VTI1B: variants seen among roughly 807,000 people sequenced by gnomAD.
VTI1B encodes the protein vesicle transport through interaction with t-SNAREs homolog 1B.
Under a neutral mutation model 28.6 loss-of-function variants are expected in VTI1B, and 18 were observed. The observed-to-expected ratio is 0.63, with a 90% CI of 0.43 to 0.93. VTI1B has a LOEUF of 0.93. Ranked by LOEUF, VTI1B falls within the 40% of genes least tolerant of loss-of-function variation. The pLI, the probability that VTI1B is intolerant of heterozygous loss-of-function variation, is 0.00. For missense variants in VTI1B, 283 were observed against 297.0 expected (o/e 0.95, Z 0.35); for synonymous variants, 100 against 107.9 (o/e 0.93, Z 0.46).
chr14:67,659,424 GATA>G (rs2037307532), intron 3 of VTI1B, among the ~76,000 whole-genome samples: 1 of 151,450 alleles, frequency 6.6e-6, no homozygotes, highest in South Asian at 2.1e-4. Context: ...TCAGAATCCA[GATA>G]ATAAGAATAG....
At chr14:67,660,823 C>T (rs918818220) in intron 2 of VTI1B, among the ~76,000 whole-genome samples, 3 of 152,178 alleles carry the variant, frequency 2.0e-5, no homozygotes, top group African/African-American at 7.2e-5. Flanking sequence ...TCAAACAAAT[C>T]AGTAGCAGCT....
intron 1 of VTI1B, among the ~76,000 whole-genome samples, chr14:67,669,436 CT>C (rs562106281): frequency 7.6e-4 from 110 of 144,528 alleles, no homozygotes; most frequent in Non-Finnish European, 7.6e-4. Context: ...CACTACTCAG[CT>C]TTTTTTTTTT....
At chr14:67,663,309 C>T (rs1301069864) in intron 1 of VTI1B, 2 of 647,824 alleles carry the variant, frequency 3.1e-6, no homozygotes, top group Non-Finnish European at 2.5e-6. Context: ...AATATGATAG[C>T]AAGTTTCATT....
chr14:67,658,462 T>C (rs1389259782), intron 3 of VTI1B, among the ~76,000 whole-genome samples: 1 of 151,546 alleles, frequency 6.6e-6, no homozygotes, highest in Non-Finnish European at 1.5e-5. Context: ...CCGGGCGTGG[T>C]GGTGGGCGCC....
intron 1 of VTI1B, among the ~76,000 whole-genome samples, chr14:67,672,123 AT>A (rs5809360): frequency 0.43 from 61,514 of 143,316 alleles, 15,145 homozygotes; most frequent in Non-Finnish European, 0.59. Context: ...TGCAGTCTAC[AT>A]TTTTTTTTTT....
chr14:67,658,381 T>A (rs958197481), intron 3 of VTI1B, among the ~76,000 whole-genome samples: 14 of 151,798 alleles, frequency 9.2e-5, no homozygotes, highest in Admixed American at 1.3e-4. Context: ...GATCACAAGG[T>A]CAGGAGATGG....
Position 67,648,526 on chromosome 14 carries a change from T to G in VTI1B, c.*2859A>C, listed in dbSNP as rs2037130894. On this transcript the variant is annotated 3_prime_UTR_variant, in exon 6 of 6. Transcript: ENST00000554659. ...GCAAGATAAGATAAGAGTGCAAGGC[T>G]GTAATTTGCACTCTAAGAGATTGGT... 1 of 173,616 alleles carries G rather than the reference T, an allele frequency of 5.8e-6. No individual in the cohort carries two copies. The allele number at this position is 173,616 out of a possible 1,614,324, so 10.8% of individuals were successfully genotyped here.
At chr14:67,657,905 C>A (rs569675895) in intron 3 of VTI1B, among the ~76,000 whole-genome samples, 1 of 151,996 alleles carries the variant, frequency 6.6e-6, no homozygotes, top group African/African-American at 2.4e-5. Flanking sequence ...CCCGCCACCA[C>A]GCCCAGCTAA....
At chr14:67,652,969 T>G (rs1566809828) in intron 5 of VTI1B, among the ~76,000 whole-genome samples, 1 of 152,134 alleles carries the variant, frequency 6.6e-6, no homozygotes, top group Non-Finnish European at 1.5e-5. Flanking sequence ...TTTTTGTATT[T>G]TTAGTAGAGA....
rs201877186 is a variant in VTI1B, at chr14:67,659,843, C to T, written c.254G>A (p.Arg85Gln). ...CCGATGGAGTTTAGCAAGGTCCTTC[C>T]GGTAGTTTCGAAGCTTAGACATCAT... is the stretch of plus-strand genomic sequence containing the variant. ...NPMMSKLRNYRKDLAKLHREV... is the reference protein window; with the variant it reads ...NPMMSKLRNYQKDLAKLHREV... The change falls in exon 3 of 6, where the codon CGG becomes CAG. Residue 85 changes from arginine to glutamine, a missense_variant. Coordinates refer to ENST00000554659, the MANE Select transcript of VTI1B (RefSeq NM_006370.3). 4.9e-5 allele frequency: 79 copies of T among 1,614,016 alleles called. No individual in the cohort carries two copies. Among genetic ancestry groups the T allele is most frequent in the East Asian group, 3.6e-4 (16 of 44,904 alleles).
intron 1 of VTI1B, chr14:67,663,135 C>A: frequency 6.5e-7 from 1 of 1,528,944 alleles, no homozygotes; most frequent in Non-Finnish European, 8.7e-7. Context: ...TCAGCCTTTC[C>A]CATTCTGTCC....
rs1031613000 is a variant in VTI1B at position 67,653,398 on chromosome 14, C to T, written c.602+39G>A. ...TTTTAAGCTTTTTGGTTGAAAGCCACTGAGTTAAGAGAAATTTCATGACTT... is the reference window on the plus strand; with the variant it reads ...TTTTAAGCTTTTTGGTTGAAAGCCATTGAGTTAAGAGAAATTTCATGACTT... On this transcript the variant is annotated intron_variant, in intron 5 of 5. Coordinates refer to ENST00000554659, the MANE Select transcript of VTI1B (RefSeq NM_006370.3). The T allele has an allele frequency of 1.3e-5, 21 of 1,591,256 alleles. No individual in the cohort carries two copies. In the African/African-American group the frequency reaches 2.8e-4, roughly 21 times the overall value.
chr14:67,651,215 T>G lies in VTI1B; in HGVS notation c.*170A>C. The G allele has an allele frequency of 7.5e-7, 1 of 1,339,644 alleles. No homozygotes were observed. Among genetic ancestry groups the G allele is most frequent in the Non-Finnish European group, 1.0e-6 (1 of 1,001,446 alleles). 83.0% of individuals were successfully genotyped at this position (1,339,644 alleles called of 1,614,324 possible). A position where few individuals can be genotyped will look rare whatever the true frequency, so the allele number is the denominator to read the frequency against. ...ATACTGGTCTTGTTGCTGTTGTTCC[T>G]TCACATTTAAGTGGTTTTTCATCTT... On this transcript the variant is annotated 3_prime_UTR_variant, in exon 6 of 6. Coordinates refer to ENST00000554659, the MANE Select transcript of VTI1B (RefSeq NM_006370.3).
chr14:67,669,450 T>G (rs2037440679), intron 1 of VTI1B, among the ~76,000 whole-genome samples: 1 of 149,998 alleles, frequency 6.7e-6, no homozygotes, highest in Admixed American at 6.6e-5. Context: ...TTTTTTTTTG[T>G]AGAGATAGGT....
chr14:67,674,328 A>C, intron 1 of VTI1B, 47 bp downstream of exon 1: 1 of 1,485,240 alleles, frequency 6.7e-7, no homozygotes, highest in East Asian at 2.5e-5. Flanking sequence ...TTCCTTCCAA[A>C]GCGCGCAGGG....
In VTI1B at chr14:67,662,478, G is replaced by A. The variant is rs141864546; in HGVS notation, c.173C>T (p.Thr58Met). Residue 58 changes from threonine to methionine, a missense_variant and splice_region_variant, in exon 2 of 6, where the codon ACG (threonine) becomes ATG (methionine). By Grantham distance (81) the Thr-to-Met change is moderately conservative (BLOSUM62 -1). Transcript: ENST00000554659. ...ACAAAATTTGTTCCTTGTTCTCACC[G>A]TTTCATTTGCTTCCTGTTGCTTTTC... is the stretch of plus-strand genomic sequence containing the variant. ...FDEKQQEANE[T>M]LAEMEEELRY... The A allele has an allele frequency of 7.6e-5, 123 of 1,611,900 alleles. No homozygotes were observed. The highest frequency in any genetic ancestry group is 1.0e-4 in the Non-Finnish European group (118 of 1,179,290).
chr14:67,658,491 G>A (rs2037294399), intron 3 of VTI1B, among the ~76,000 whole-genome samples: 1 of 152,164 alleles, frequency 6.6e-6, no homozygotes, highest in African/African-American at 2.4e-5. Context: ...CAGCTACTTG[G>A]GAGGCTGAGG....
In VTI1B at chr14:67,648,187, T is replaced by C. The variant is rs374223197; in HGVS notation, c.*3198A>G. On this transcript the variant is annotated 3_prime_UTR_variant, in exon 6 of 6. Transcript: ENST00000554659. The stretch of plus-strand genomic sequence containing the variant: ...GCTGAGGAAATACACAATACAGGTA[T>C]GTAGCAACCAGGTCTGCAGCCTGTT... 73 of 1,611,414 alleles carry C rather than the reference T, an allele frequency of 4.5e-5. No homozygotes were observed. The highest frequency in any genetic ancestry group is 6.1e-5 in the Non-Finnish European group (72 of 1,178,390).
chr14:67,668,178 A>G (rs570880900), intron 1 of VTI1B, among the ~76,000 whole-genome samples: 2 of 152,316 alleles, frequency 1.3e-5, no homozygotes, highest in South Asian at 4.1e-4. Flanking sequence ...AGATGTCTTC[A>G]GGTATGACAA....
Sources: gnomAD v4.1 joint callset for allele counts (sites outside exome capture counted in the v4.1 genomes callset) on GRCh38, gnomAD v4.1.1 for gene constraint, MANE v1.5 for transcripts, NCBI Gene and HGNC (gene_info 2026-07-23, HGNC 2026-07-21) for gene names.